CAMK4: variants seen among roughly 807,000 people sequenced by gnomAD.
The protein encoded by CAMK4 is calcium/calmodulin-dependent protein kinase type IV.
Under a neutral mutation model 44.9 loss-of-function variants are expected in CAMK4, and 22 were observed. The observed-to-expected ratio is 0.49, with a 90% confidence interval of 0.35 to 0.70. The LOEUF (loss-of-function observed/expected upper bound fraction) is 0.70. Among genes scored for constraint, CAMK4 ranks in the 30% least tolerant of loss-of-function variants. The probability of loss-of-function intolerance (pLI) is 0.01; values close to 1 mark genes in which losing one functional copy is unlikely to be tolerated. For missense variants in CAMK4, 498 were observed against 586.8 expected, an observed-to-expected ratio of 0.85 and a Z score of 1.56; for synonymous variants, 218 against 215.4, an observed-to-expected ratio of 1.01 and a Z score of -0.11.
intron 5 of CAMK4, among the ~76,000 whole-genome samples, chr5:111,432,003 G>T (rs1753463667): frequency 6.6e-6 from 1 of 152,084 alleles, no homozygotes; most frequent in Non-Finnish European, 1.5e-5. Context: ...CCATTGTTGG[G>T]TATGTACCCT....
intron 2 of CAMK4, among the ~76,000 whole-genome samples, chr5:111,367,836 T>A (rs1394421750): frequency 6.6e-6 from 1 of 151,912 alleles, no homozygotes; most frequent in East Asian, 1.9e-4. Context: ...CTTCAAGGAG[T>A]AGTAGCCTGG....
intron 9 of CAMK4, 25 bp downstream of exon 9, chr5:111,478,532 A>G: frequency 7.5e-7 from 1 of 1,324,528 alleles, no homozygotes; most frequent in Non-Finnish European, 1.0e-6. Context: ...AACAAAATGA[A>G]ACAAAATGAA....
intron 5 of CAMK4, among the ~76,000 whole-genome samples, chr5:111,429,120 G>GCT (rs1753337324): frequency 6.6e-6 from 1 of 151,798 alleles, no homozygotes; most frequent in Admixed American, 6.6e-5. Context: ...AAACTTAGTA[G>GCT]AAGAAAAGTA....
In CAMK4 at chr5:111,482,924, G is replaced by A. The variant is rs745997457; in HGVS notation, c.968G>A (p.Arg323Gln). 3.1e-6 allele frequency: 5 copies of A among 1,603,720 alleles called. No homozygotes were observed. The highest frequency in any genetic ancestry group is 1.3e-5 in the African/African-American group (1 of 74,352). Reference protein sequence around the residue: ...AQKKLQEFNARRKLKAAVKAV... With the variant: ...AQKKLQEFNAQRKLKAAVKAV... Reference sequence around the variant, plus strand: ...AAGAAGCTCCAAGAATTCAATGCCCGGCGTAAGCTTAAGGTAAGATAGCAT... The same window carrying A: ...AAGAAGCTCCAAGAATTCAATGCCCAGCGTAAGCTTAAGGTAAGATAGCAT... Residue 323 changes from arginine to glutamine, a missense_variant, in exon 10 of 11, where the codon CGG (arginine) becomes CAG (glutamine). Arg to Gln is a conservative substitution (Grantham distance 43, BLOSUM62 1). This residue lies in a region of CAMK4 where 203 missense variants were observed against 298.2 expected (regional missense o/e 0.68). Coordinates refer to ENST00000282356, the MANE Select transcript of CAMK4 (RefSeq NM_001744.6). The surrounding 1 kb of genome is among the most constrained non-coding windows in gnomAD (Gnocchi z 4.9).
chr5:111,352,030 C>T (rs759272089), intron 2 of CAMK4, among the ~76,000 whole-genome samples: 12 of 152,094 alleles, frequency 7.9e-5, no homozygotes, highest in Non-Finnish European at 1.5e-4. Flanking sequence ...TTCATATAAG[C>T]GTGCTAATCC....
At chr5:111,392,769 C>A (rs1751849404) in intron 4 of CAMK4, among the ~76,000 whole-genome samples, 1 of 151,956 alleles carries the variant, frequency 6.6e-6, no homozygotes. Flanking sequence ...AAAAATACTA[C>A]CTGCCACTAA....
At chr5:111,284,764 A>G (rs1376814882) in intron 1 of CAMK4, among the ~76,000 whole-genome samples, 1 of 152,218 alleles carries the variant, frequency 6.6e-6, no homozygotes, top group Non-Finnish European at 1.5e-5. Context: ...TAAACATACT[A>G]GTGCCTTTCC....
At chr5:111,320,497 GTTGT>G (rs71000000) in intron 1 of CAMK4, among the ~76,000 whole-genome samples, 57,947 of 143,540 alleles carry the variant, frequency 0.4, 11,365 homozygotes, top group South Asian at 0.51. Flanking sequence ...CTTTTTTGTT[GTTGT>G]TTGTTTGTTC....
chr5:111,329,366 A>G (rs897968516), intron 1 of CAMK4, among the ~76,000 whole-genome samples: 43 of 151,902 alleles, frequency 2.8e-4, no homozygotes, highest in African/African-American at 9.4e-4. Flanking sequence ...TGGTGTTGGA[A>G]GTTCTGGCCA....
chr5:111,443,841 C>T (rs1753934403), intron 5 of CAMK4, among the ~76,000 whole-genome samples: 1 of 152,108 alleles, frequency 6.6e-6, no homozygotes, highest in Admixed American at 6.6e-5. Context: ...TCAATATGTT[C>T]CGTTAGTCCC....
At chr5:111,475,310 A>T (rs1171667812) in intron 8 of CAMK4, among the ~76,000 whole-genome samples, 1 of 152,194 alleles carries the variant, frequency 6.6e-6, no homozygotes, top group Non-Finnish European at 1.5e-5. Flanking sequence ...AACAATTGGT[A>T]GGTACATTGT....
intron 1 of CAMK4, among the ~76,000 whole-genome samples, chr5:111,326,044 C>T (rs569695377): frequency 2.0e-5 from 3 of 151,772 alleles, no homozygotes; most frequent in African/African-American, 7.2e-5. Context: ...CATTAAGAAG[C>T]TAAATAAATA....
At chr5:111,433,716 T>C (rs1191320635) in intron 5 of CAMK4, among the ~76,000 whole-genome samples, 1 of 152,188 alleles carries the variant, frequency 6.6e-6, no homozygotes, top group Non-Finnish European at 1.5e-5. Flanking sequence ...ATGAAAGATT[T>C]ACCCTCTGGA....
intron 3 of CAMK4, among the ~76,000 whole-genome samples, chr5:111,375,720 T>G (rs1751189725): frequency 6.6e-6 from 1 of 152,098 alleles, no homozygotes; most frequent in Non-Finnish European, 1.5e-5. Flanking sequence ...AATCAGGCAG[T>G]TTTCTGGCTC....
intron 4 of CAMK4, among the ~76,000 whole-genome samples, chr5:111,387,841 C>T (rs1751660416): frequency 6.6e-6 from 1 of 152,218 alleles, no homozygotes; most frequent in South Asian, 2.1e-4. Flanking sequence ...AACACATCTA[C>T]TGATGTCATA....
chr5:111,299,117 G>C (rs1292530273), intron 1 of CAMK4, among the ~76,000 whole-genome samples: 2 of 152,212 alleles, frequency 1.3e-5, no homozygotes, highest in South Asian at 4.1e-4. Context: ...CCTCGGCCTA[G>C]GAGGTGGAGT....
intron 5 of CAMK4, among the ~76,000 whole-genome samples, chr5:111,430,700 C>T (rs922940224): frequency 2.0e-5 from 3 of 151,924 alleles, no homozygotes; most frequent in Non-Finnish European, 4.4e-5. Flanking sequence ...AGTAATCCCA[C>T]CTAAAATAGC....
chr5:111,490,110 T>A lies in CAMK4; in HGVS notation c.*5644T>A, dbSNP rs142727265. The A allele has an allele frequency of 1.4e-3, 217 of 152,330 alleles. No homozygotes were observed. The highest frequency in any genetic ancestry group is 5.0e-3 in the African/African-American group (208 of 41,572). 9.4% of individuals were successfully genotyped at this position (152,330 alleles called of 1,614,324 possible). On this transcript the variant is annotated 3_prime_UTR_variant, in exon 11 of 11. Coordinates refer to ENST00000282356, the MANE Select transcript of CAMK4 (RefSeq NM_001744.6). Reference sequence around the variant, plus strand: ...CATTGTGTCAAAATAACATTTAATTTTCACTCTGATTAATCTTTATTTTCC... The same window carrying A: ...CATTGTGTCAAAATAACATTTAATTATCACTCTGATTAATCTTTATTTTCC...
intron 1 of CAMK4, among the ~76,000 whole-genome samples, chr5:111,274,891 A>T (rs1750689739): frequency 6.6e-6 from 1 of 151,998 alleles, no homozygotes; most frequent in Non-Finnish European, 1.5e-5. Context: ...CTTTTTTTTA[A>T]AAAAAATTAT....
Sources: allele counts gnomAD v4.1 joint callset (sites outside exome capture counted in the v4.1 genomes callset), GRCh38; gene constraint gnomAD v4.1.1; regional missense constraint gnomAD v4.1.1; non-coding constraint Gnocchi (gnomAD v3.1); transcripts MANE v1.5; gene names NCBI Gene and HGNC (gene_info 2026-07-23, HGNC 2026-07-21).